CMC2: variants seen among roughly 807,000 people sequenced by gnomAD.
The protein encoded by CMC2 is COX assembly mitochondrial protein 2 homolog.
A neutral mutation model predicts 7.5 loss-of-function variants in CMC2; 5 were observed. The observed-to-expected ratio is 0.66, with a 90% CI of 0.35 to 1.40. The LOEUF is 1.40. CMC2 is among the 40% of genes most tolerant of loss of function. CMC2 has a pLI of 0.04. For missense variants in CMC2, 115 were observed against 92.3 expected (o/e 1.25, Z -1.01); for synonymous variants, 37 against 31.4 (o/e 1.18, Z -0.60).
chr16:80,986,468 A>AAG (rs1036681443), intron 2 of CMC2, among the ~76,000 whole-genome samples: 25 of 151,978 alleles, frequency 1.6e-4, no homozygotes, highest in Admixed American at 5.9e-4. Flanking sequence ...AGAAAAAAAA[A>AAG]AAGGTAACAA....
rs1446225844 is a variant in CMC2, at chr16:80,971,688, G to A, written c.*4405C>T. The A allele has an allele frequency of 6.6e-5, 10 of 150,666 alleles. No homozygotes were observed. The highest frequency in any genetic ancestry group is 2.0e-4 in the Admixed American group (3 of 15,110). The allele number at this position is 150,666 out of a possible 1,614,324, so 9.3% of individuals were successfully genotyped here. ...CCACCAATAAAGAAATAAGTGGAAC[G>A]GGCTTGGGGTGACAAACACAGGAGG... On this transcript the variant is annotated 3_prime_UTR_variant, in exon 4 of 4. Transcript: ENST00000219400.
Position 80,966,676 on chromosome 16 carries a change from T to C in CMC2, c.*9417A>G, listed in dbSNP as rs1911575668. 1 of 152,244 alleles carries C rather than the reference T, an allele frequency of 6.6e-6. No homozygotes were observed. The highest frequency in any genetic ancestry group is 1.5e-5 in the Non-Finnish European group (1 of 68,042). 9.4% of individuals were successfully genotyped at this position (152,244 alleles called of 1,614,324 possible). ...TGTATCACCTTCTGGAGATGTAAAG[T>C]CAAAATATTGTATTTGAACAACACT... On this transcript the variant is annotated 3_prime_UTR_variant, in exon 4 of 4. Transcript: ENST00000219400.
chr16:81,003,286 C>T (rs1183882007), intron 1 of CMC2, among the ~76,000 whole-genome samples: 4 of 152,174 alleles, frequency 2.6e-5, no homozygotes, highest in Admixed American at 6.5e-5. Context: ...ACTGAAGAAA[C>T]GCTAAATACG....
rs939281203 is a variant in CMC2, at chr16:80,975,126, G to A, written c.*967C>T. Reference sequence around the variant, plus strand: ...AGAAACACTTGGCAGAAGGAACACTGGTGAAATGACTGCTAGAATTGGGCA... The same window carrying A: ...AGAAACACTTGGCAGAAGGAACACTAGTGAAATGACTGCTAGAATTGGGCA... On this transcript the variant is annotated 3_prime_UTR_variant, in exon 4 of 4. Coordinates refer to ENST00000219400, the MANE Select transcript of CMC2 (RefSeq NM_020188.5). The A allele has an allele frequency of 6.6e-6, 1 of 152,312 alleles. No individual in the cohort carries two copies. Among genetic ancestry groups the A allele is most frequent in the African/African-American group, 2.4e-5 (1 of 41,442 alleles). The allele number at this position is 152,312 out of a possible 1,614,324, so 9.4% of individuals were successfully genotyped here.
At chr16:80,996,477 T>C (rs1317423674) in intron 2 of CMC2, among the ~76,000 whole-genome samples, 1 of 152,240 alleles carries the variant, frequency 6.6e-6, no homozygotes, top group African/African-American at 2.4e-5. Flanking sequence ...ATTTGATCTA[T>C]ATGTATAGTG....
intron 1 of CMC2, among the ~76,000 whole-genome samples, chr16:81,003,677 C>T (rs555893408): frequency 1.3e-5 from 2 of 152,204 alleles, no homozygotes; most frequent in Admixed American, 1.3e-4. Context: ...CAAAGAGCTT[C>T]TGATTGACTA....
chr16:80,994,134 G>C (rs993841524), intron 2 of CMC2, among the ~76,000 whole-genome samples: 6 of 152,014 alleles, frequency 3.9e-5, no homozygotes, highest in Non-Finnish European at 7.4e-5. Context: ...TGAGACAACT[G>C]GCTACCCACA....
chr16:80,975,851 G>A lies in CMC2; in HGVS notation c.*242C>T. ...AGATAAGTTACTCAGATATTAACTGGTTGTAGGCAAAGGGAATAAACATGG... is the reference window on the plus strand; with the variant it reads ...AGATAAGTTACTCAGATATTAACTGATTGTAGGCAAAGGGAATAAACATGG... On this transcript the variant is annotated 3_prime_UTR_variant, in exon 4 of 4. Transcript: ENST00000219400. The A allele has an allele frequency of 2.8e-6, 1 of 357,886 alleles. No homozygotes were observed. The highest frequency in any genetic ancestry group is 5.0e-6 in the Non-Finnish European group (1 of 199,424). The allele number at this position is 357,886 out of a possible 1,614,324, so 22.2% of individuals were successfully genotyped here. A position where few individuals can be genotyped will look rare whatever the true frequency, so the allele number is the denominator to read the frequency against.
At position 80,975,361 on chromosome 16, in the gene CMC2, C is replaced by T. The variant is rs1001488885; in HGVS notation, c.*732G>A. ...GGGCACAGTGGCTCACGCTTGTAATCCCAACACTTTGGGAGGCTGAAGTGG... is the reference window on the plus strand; with the variant it reads ...GGGCACAGTGGCTCACGCTTGTAATTCCAACACTTTGGGAGGCTGAAGTGG... On this transcript the variant is annotated 3_prime_UTR_variant, in exon 4 of 4. Coordinates refer to ENST00000219400, the MANE Select transcript of CMC2 (RefSeq NM_020188.5). The T allele has an allele frequency of 6.6e-6, 1 of 152,280 alleles. No individual in the cohort carries two copies. Among genetic ancestry groups the T allele is most frequent in the Non-Finnish European group, 1.5e-5 (1 of 68,102 alleles). The allele number at this position is 152,280 out of a possible 1,614,324, so 9.4% of individuals were successfully genotyped here. A position where few individuals can be genotyped will look rare whatever the true frequency, so the allele number is the denominator to read the frequency against.
intron 1 of CMC2, among the ~76,000 whole-genome samples, chr16:81,001,576 G>A (rs1008509472): frequency 6.6e-6 from 1 of 152,042 alleles, no homozygotes; most frequent in Admixed American, 6.6e-5. Context: ...TAATGTATCT[G>A]ATACCACTGA....
In CMC2 at chr16:80,972,630, CACA is replaced by C. The variant is rs1343123865; in HGVS notation, c.*3460_*3462del. 6.6e-6 allele frequency: 1 copy of C among 152,184 alleles called. No individual in the cohort carries two copies. Among genetic ancestry groups the C allele is most frequent in the Non-Finnish European group, 1.5e-5 (1 of 68,044 alleles). 9.4% of individuals were successfully genotyped at this position (152,184 alleles called of 1,614,324 possible). ...TCACTGTCACCAGAGCATCAAGGTT[CACA>C]ACATTCTGCAAAACTAGATTTCTCA... On this transcript the variant is annotated 3_prime_UTR_variant, in exon 4 of 4. Coordinates refer to ENST00000219400, the MANE Select transcript of CMC2 (RefSeq NM_020188.5).
At chr16:80,987,374 T>C (rs1397842298) in intron 2 of CMC2, among the ~76,000 whole-genome samples, 1 of 152,254 alleles carries the variant, frequency 6.6e-6, no homozygotes, top group Non-Finnish European at 1.5e-5. Context: ...TCTGGATGGT[T>C]GAACAAAAGG....
intron 2 of CMC2, chr16:80,983,156 T>C (rs909744841): frequency 6.6e-6 from 1 of 152,320 alleles, no homozygotes; most frequent in Admixed American, 6.5e-5. Flanking sequence ...ATAATACATA[T>C]AACATACAAA....
rs112198008 is a variant in CMC2, at chr16:80,966,568, G to C, written c.*9525C>G. On this transcript the variant is annotated 3_prime_UTR_variant, in exon 4 of 4. Transcript: ENST00000219400. ...CACTAACATCATAACTTTAAAACGTGATATTTTATAATACCAATTTCAAAA... is the reference window on the plus strand; with the variant it reads ...CACTAACATCATAACTTTAAAACGTCATATTTTATAATACCAATTTCAAAA... The C allele has an allele frequency of 6.6e-6, 1 of 151,882 alleles. No individual in the cohort carries two copies. Among genetic ancestry groups the C allele is most frequent in the Non-Finnish European group, 1.5e-5 (1 of 67,982 alleles). The allele number at this position is 151,882 out of a possible 1,614,324, so 9.4% of individuals were successfully genotyped here.
intron 1 of CMC2, among the ~76,000 whole-genome samples, chr16:81,001,639 C>T (rs1968875674): frequency 6.6e-6 from 1 of 152,018 alleles, no homozygotes; most frequent in Non-Finnish European, 1.5e-5. Context: ...TGCATTTCAC[C>T]ATGCGAATTT....
Position 80,966,473 on chromosome 16 carries a change from C to G in CMC2, c.*9620G>C, listed in dbSNP as rs867976733. ...TACTATTTCCAATTCAAATTTAATG[C>G]ATGTTTTGACTTGAATTTTACACTT... On this transcript the variant is annotated 3_prime_UTR_variant, in exon 4 of 4. Coordinates refer to ENST00000219400, the MANE Select transcript of CMC2 (RefSeq NM_020188.5). 1 of 152,260 alleles carries G rather than the reference C, an allele frequency of 6.6e-6. No homozygotes were observed. The highest frequency in any genetic ancestry group is 1.9e-4 in the East Asian group (1 of 5,192). 9.4% of individuals were successfully genotyped at this position (152,260 alleles called of 1,614,324 possible).
In CMC2 at chr16:80,992,719, T is replaced by TGTG. The variant is rs368032401; in HGVS notation, c.81+4594_81+4595insCAC. Among the ~76,000 whole-genome samples, 274 of 135,174 alleles carry TGTG rather than the reference T, an allele frequency of 2.0e-3. 5 individuals are homozygous for TGTG. The South Asian group carries it at 0.045, about 22-fold the overall frequency. The allele number at this position is 135,174 out of a possible 152,430, so 88.7% of individuals were successfully genotyped here. ...TATTCCCCCTCCTTTTTTTTTTTTT[T>TGTG]TTTGTGTAAAGACAGGGTCTCACTT... On this transcript the variant is annotated intron_variant, in intron 2 of 3. Transcript: ENST00000219400.
intron 1 of CMC2, among the ~76,000 whole-genome samples, chr16:81,003,943 C>T (rs775013520): frequency 6.6e-6 from 1 of 152,230 alleles, no homozygotes; most frequent in African/African-American, 2.4e-5. Flanking sequence ...TTATGTGAGG[C>T]TGGAAGCTGT....
chr16:81,006,751 C>A lies in CMC2; in HGVS notation c.-53G>T. 1.0e-6 allele frequency: 1 copy of A among 985,684 alleles called. No homozygotes were observed. Among genetic ancestry groups the A allele is most frequent in the Non-Finnish European group, 1.2e-6 (1 of 830,142 alleles). 61.1% of individuals were successfully genotyped at this position (985,684 alleles called of 1,614,324 possible). On this transcript the variant is annotated 5_prime_UTR_variant, in exon 1 of 4. Coordinates refer to ENST00000219400, the MANE Select transcript of CMC2 (RefSeq NM_020188.5). ...AGACTCACCCGACTCGTGGCCACAC[C>A]GGGAGAACTGAAGCGGCAGTAGCCG...
Sources: gnomAD v4.1 joint callset for allele counts (sites outside exome capture counted in the v4.1 genomes callset) on GRCh38, gnomAD v4.1.1 for gene constraint, MANE v1.5 for transcripts, NCBI Gene and HGNC (gene_info 2026-07-23, HGNC 2026-07-21) for gene names.